Variants in INPP5B observed in about 807,000 individuals in gnomAD.
INPP5B encodes type II inositol 1,4,5-trisphosphate 5-phosphatase.
INPP5B carries 90 observed loss-of-function variants against 118.5 expected under a neutral mutation model. That is an observed-to-expected ratio of 0.76 (90% CI 0.64 to 0.90). INPP5B has a LOEUF of 0.90. Ranked by LOEUF, INPP5B falls within the 40% of genes least tolerant of loss-of-function variation. The probability of loss-of-function intolerance (pLI) is 0.00; values close to 1 mark genes in which losing one functional copy is unlikely to be tolerated. For synonymous variants in INPP5B, 385 were observed against 418.9 expected, an observed-to-expected ratio of 0.92 and a Z score of 0.99; for missense variants, 984 against 1,125.6, an observed-to-expected ratio of 0.87 and a Z score of 1.80.
chr1:37,881,064 A>C (rs1288542377), intron 14 of INPP5B, among the ~76,000 whole-genome samples: 1 of 152,238 alleles, frequency 6.6e-6, no homozygotes, highest in African/African-American at 2.4e-5. Flanking sequence ...AAAGGGCCTG[A>C]GTATCATCTT....
At position 37,902,357 on chromosome 1, in the gene INPP5B, G is replaced by A. The variant is rs1644362525; in HGVS notation, c.533-10903C>T. ...TCATGCCTTAGTTTAGGCCCTTAAT[G>A]TTTCTGGAAAGCCCACTTAATGATT... On this transcript the variant is annotated intron_variant, in intron 7 of 23. Transcript: ENST00000373024. Among the ~76,000 whole-genome samples the A allele has an allele frequency of 2.0e-5, 3 of 151,926 alleles. No individual in the cohort carries two copies. The South Asian group carries it at 6.2e-4, about 32-fold the overall frequency.
chr1:37,863,955 C>G (rs888061120), intron 23 of INPP5B, among the ~76,000 whole-genome samples: 11 of 151,580 alleles, frequency 7.3e-5, no homozygotes, highest in Admixed American at 4.0e-4. Flanking sequence ...GCTGGGATTA[C>G]AGGCATGCAC....
chr1:37,871,465 A>G (rs1189381213), intron 19 of INPP5B, among the ~76,000 whole-genome samples: 6 of 151,328 alleles, frequency 4.0e-5, no homozygotes, highest in African/African-American at 1.2e-4. Flanking sequence ...CTCACAAAAG[A>G]AAACAAAACA....
At chr1:37,867,574 A>C (rs1016310523) in intron 20 of INPP5B, among the ~76,000 whole-genome samples, 3 of 152,204 alleles carry the variant, frequency 2.0e-5, no homozygotes, top group African/African-American at 4.8e-5. Flanking sequence ...CACTTAGAAT[A>C]GTGCTTGGTA....
chr1:37,898,651 C>T (rs1370435325), intron 7 of INPP5B, among the ~76,000 whole-genome samples: 6 of 150,600 alleles, frequency 4.0e-5, no homozygotes, highest in Admixed American at 6.6e-5. Context: ...GCCGAGATCG[C>T]GCCACTGCAC....
At chr1:37,867,008 T>C (rs900341821) in intron 20 of INPP5B, among the ~76,000 whole-genome samples, 1 of 151,592 alleles carries the variant, frequency 6.6e-6, no homozygotes, top group Non-Finnish European at 1.5e-5. Flanking sequence ...CAGAGGCGGG[T>C]GGATCACGAG....
At chr1:37,879,949 A>G (rs1643091132) in intron 15 of INPP5B, 136 bp downstream of exon 15, 1 of 500,326 alleles carries the variant, frequency 2.0e-6, no homozygotes, top group Non-Finnish European at 3.6e-6. Context: ...CTGAGAGAAA[A>G]TGTTTGATCA....
chr1:37,884,312 C>CTCCTTTCTCCTCTCCTT (rs1479709265), intron 13 of INPP5B: 1 of 151,994 alleles, frequency 6.6e-6, no homozygotes, highest in Non-Finnish European at 1.5e-5. Flanking sequence ...ACTTTTCCTT[C>CTCCTTTCTCCTCTCCTT]TCCTTTCTCC....
intron 7 of INPP5B, chr1:37,931,502 GAAC>G: frequency 6.5e-7 from 1 of 1,534,618 alleles, no homozygotes; most frequent in African/African-American, 1.4e-5. Context: ...CGCCTAAGAA[GAAC>G]ATCACAGAAC....
At chr1:37,926,099 C>CG (rs1482475308) in intron 7 of INPP5B, among the ~76,000 whole-genome samples, 10 of 152,234 alleles carry the variant, frequency 6.6e-5, no homozygotes, top group African/African-American at 1.4e-4. Flanking sequence ...AAAACCACCC[C>CG]GGGGGCTATT....
chr1:37,889,760 G>C (rs750181466), intron 8 of INPP5B, 36 bp from the exon 9 acceptor site: 8 of 1,497,616 alleles, frequency 5.3e-6, no homozygotes, highest in African/African-American at 1.4e-5. Context: ...ATATGTGGAT[G>C]AGTCCCCATG....
intron 13 of INPP5B, 134 bp downstream of exon 13, chr1:37,885,504 T>G: frequency 6.1e-6 from 4 of 650,614 alleles, no homozygotes; most frequent in Non-Finnish European, 1.1e-5. Flanking sequence ...ATATAATCCA[T>G]GTATAACCAA....
At chr1:37,897,680 C>G (rs1389461559) in intron 7 of INPP5B, among the ~76,000 whole-genome samples, 1 of 151,590 alleles carries the variant, frequency 6.6e-6, no homozygotes, top group East Asian at 1.9e-4. Context: ...CACTATTGTC[C>G]TGTGACCCTG....
chr1:37,945,395 T>C (rs190824428), intron 3 of INPP5B, among the ~76,000 whole-genome samples: 2 of 152,286 alleles, frequency 1.3e-5, no homozygotes, highest in Non-Finnish European at 2.9e-5. Flanking sequence ...ATCACCCCAC[T>C]GCACTCCAGC....
intron 7 of INPP5B, among the ~76,000 whole-genome samples, chr1:37,926,578 G>A (rs1333506477): frequency 1.3e-5 from 2 of 152,058 alleles, no homozygotes; most frequent in African/African-American, 2.4e-5. Flanking sequence ...CACCACACCC[G>A]GCGAAGCTGG....
At chr1:37,945,993 G>T in intron 2 of INPP5B, 143 bp from the exon 3 acceptor site, 1 of 746,828 alleles carries the variant, frequency 1.3e-6, no homozygotes, top group Non-Finnish European at 2.2e-6. Flanking sequence ...TGAACTAACA[G>T]ACAAACAGGC....
rs376311253 is a variant in INPP5B at position 37,940,710 on chromosome 1, G to T, written c.369C>A (p.His123Gln). 5.6e-6 allele frequency: 9 copies of T among 1,613,578 alleles called. No individual in the cohort carries two copies. In the African/African-American group the frequency reaches 8.0e-5, roughly 14 times the overall value. ...TACCTGGACAGGCCCTGGCAACTTCGTGGAGGAACATCCTGGTTTGTGAAC... is the reference window on the plus strand; with the variant it reads ...TACCTGGACAGGCCCTGGCAACTTCTTGGAGGAACATCCTGGTTTGTGAAC... ...PFGSQTRMFL[H>Q]EVARACPGFD... The change falls in exon 6 of 24, where the codon CAC becomes CAA. Residue 123 changes from histidine to glutamine, a missense_variant. Transcript: ENST00000373024.
intron 7 of INPP5B, among the ~76,000 whole-genome samples, chr1:37,902,148 A>G (rs979568323): frequency 6.6e-6 from 1 of 151,878 alleles, no homozygotes; most frequent in Non-Finnish European, 1.5e-5. Context: ...CACCACGCCC[A>G]GCTAATTTTT....
intron 13 of INPP5B, chr1:37,883,878 G>A: frequency 2.5e-5 from 25 of 981,682 alleles, no homozygotes; most frequent in Non-Finnish European, 2.9e-5. Flanking sequence ...CTTTATAAAA[G>A]AAGTGGCGTA....
Sources: gnomAD v4.1 joint callset for allele counts (sites outside exome capture counted in the v4.1 genomes callset) on GRCh38, gnomAD v4.1.1 for gene constraint, MANE v1.5 for transcripts, NCBI Gene and HGNC (gene_info 2026-07-23, HGNC 2026-07-21) for gene names.